SHTN1: variants seen among roughly 807,000 people sequenced by gnomAD.
SHTN1 encodes the protein shootin 1.
Under a neutral mutation model 83.1 loss-of-function variants are expected in SHTN1, and 42 were observed. That is an observed-to-expected ratio of 0.51 (90% CI 0.39 to 0.65). The LOEUF is 0.65. SHTN1 is among the 30% of genes least tolerant of loss of function. SHTN1 has a pLI of 0.00. For missense variants in SHTN1, 622 were observed against 737.8 expected (o/e 0.84, Z 1.82); for synonymous variants, 224 against 247.7 (o/e 0.90, Z 0.90).
At chr10:117,021,198 C>T (rs1480786906) in intron 2 of SHTN1, among the ~76,000 whole-genome samples, 1 of 152,176 alleles carries the variant, frequency 6.6e-6, no homozygotes. Context: ...CATGGTGAAA[C>T]ACCATCTCTA....
At chr10:117,109,582 T>TTTTTTTTTTTTTA (rs1236067569) in intron 1 of SHTN1, among the ~76,000 whole-genome samples, 2 of 136,378 alleles carry the variant, frequency 1.5e-5, no homozygotes, top group East Asian at 2.2e-4. Context: ...TTTTTTTTTT[T>TTTTTTTTTTTTTA]GAGAGGGAGT....
At chr10:117,083,864 C>G in intron 1 of SHTN1, among the ~76,000 whole-genome samples, 1 of 151,804 alleles carries the variant, frequency 6.6e-6, no homozygotes, top group African/African-American at 2.4e-5. Flanking sequence ...GCATTCTTCA[C>G]GTAGTTCTCG....
At chr10:117,089,291 C>T (rs1163622707) in intron 1 of SHTN1, among the ~76,000 whole-genome samples, 1 of 151,964 alleles carries the variant, frequency 6.6e-6, no homozygotes, top group Non-Finnish European at 1.5e-5. Flanking sequence ...TTAAAACAAC[C>T]TTTATGTAAG....
At chr10:117,101,955 A>C (rs1853600127) in intron 1 of SHTN1, among the ~76,000 whole-genome samples, 1 of 151,996 alleles carries the variant, frequency 6.6e-6, no homozygotes, top group African/African-American at 2.4e-5. Context: ...TTTTAAAAAA[A>C]TTATAAATGG....
At chr10:117,001,304 T>C (rs1305406982) in intron 1 of SHTN1, among the ~76,000 whole-genome samples, 1 of 152,100 alleles carries the variant, frequency 6.6e-6, no homozygotes, top group Non-Finnish European at 1.5e-5. Context: ...AATTATACCA[T>C]TCACTAGGAG....
chr10:116,946,694 A>G (rs1000779886), intron 7 of SHTN1, among the ~76,000 whole-genome samples: 1 of 145,874 alleles, frequency 6.9e-6, no homozygotes, highest in African/African-American at 2.5e-5. Context: ...TATATAATAT[A>G]TATATATGTT....
intron 1 of SHTN1, among the ~76,000 whole-genome samples, chr10:117,099,095 G>C (rs1225635209): frequency 6.6e-6 from 1 of 151,522 alleles, no homozygotes; most frequent in East Asian, 1.9e-4. Flanking sequence ...AATAGAGCTG[G>C]AGGCCATTAT....
At chr10:117,006,240 G>T (rs72833420), upstream of SHTN1, among the ~76,000 whole-genome samples, 272 of 147,306 alleles carry the variant, frequency 1.8e-3, 2 homozygotes, top group South Asian at 0.025. Flanking sequence ...GTTTTTTTTT[G>T]TTTTTTTTTT....
At position 116,886,526 on chromosome 10, in the gene SHTN1, C is replaced by T. The variant is rs200994601; in HGVS notation, c.1714G>A (p.Gly572Ser). The T allele has an allele frequency of 1.4e-4, 219 of 1,614,026 alleles. No individual in the cohort carries two copies. Among genetic ancestry groups the T allele is most frequent in the Middle Eastern group, 9.9e-4 (6 of 6,062 alleles). ...SIGCRKKYID[G>S]EKQAEPVVVL... ...ACAACTGGTTCGGCTTGTTTTTCAC[C>T]GTCAATGTATTTTTTCCTGCATCCA... is the stretch of plus-strand genomic sequence containing the variant. Residue 572 changes from glycine to serine, a missense_variant, in exon 17 of 17, where the codon GGT becomes AGT. Physicochemically the swap from Gly to Ser is moderately conservative, Grantham distance 56. This residue lies in a region of SHTN1 where 231 missense variants were observed against 251.6 expected (regional missense o/e 0.92). Transcript: ENST00000355371.
chr10:117,000,882 A>G (rs1905537), intron 1 of SHTN1, among the ~76,000 whole-genome samples: 146,017 of 152,276 alleles, frequency 0.96, 70,308 homozygotes, highest in Non-Finnish European at 1. Context: ...TCACCAGCAG[A>G]GGCAAGGTCT....
chr10:117,086,071 C>A (rs1030871533), intron 1 of SHTN1, among the ~76,000 whole-genome samples: 4 of 152,080 alleles, frequency 2.6e-5, no homozygotes, highest in African/African-American at 9.7e-5. Flanking sequence ...CAGGTGTGTG[C>A]CACCACGCCC....
chr10:116,982,151 C>A lies in SHTN1; in HGVS notation c.59-2843G>T, dbSNP rs538519394. On this transcript the variant is annotated intron_variant, in intron 1 of 16. Transcript: ENST00000355371. ...AAACATCAGATAATGGTTTTGAAGTCTTTTTAAAATACCAGTACTATTCTT... is the reference window on the plus strand; with the variant it reads ...AAACATCAGATAATGGTTTTGAAGTATTTTTAAAATACCAGTACTATTCTT... 2.0e-5 allele frequency among the ~76,000 whole-genome samples: 3 copies of A among 152,256 alleles called. No homozygotes were observed. The South Asian group carries it at 6.2e-4, about 32-fold the overall frequency.
intron 12 of SHTN1, 42 bp downstream of exon 12, chr10:116,921,392 G>C (rs1279720484): frequency 7.0e-7 from 1 of 1,421,196 alleles, no homozygotes; most frequent in Admixed American, 1.8e-5. Context: ...GCCCCAAAAT[G>C]GTACACCATC....
intron 1 of SHTN1, among the ~76,000 whole-genome samples, chr10:117,066,194 T>C (rs1852997857): frequency 1.3e-5 from 2 of 152,224 alleles, no homozygotes; most frequent in African/African-American, 4.8e-5. Context: ...TTGCTTACAT[T>C]TGAAAAATTA....
chr10:117,086,803 A>C (rs2133617040), intron 1 of SHTN1, among the ~76,000 whole-genome samples: 2 of 152,360 alleles, frequency 1.3e-5, no homozygotes, highest in South Asian at 4.1e-4. Flanking sequence ...CGTGGACAGC[A>C]ATGTTCACAG....
At chr10:116,981,781 G>A (rs749965440) in intron 1 of SHTN1, among the ~76,000 whole-genome samples, 6 of 152,132 alleles carry the variant, frequency 3.9e-5, no homozygotes, top group East Asian at 1.9e-4. Flanking sequence ...GATCTCAGCC[G>A]GGTGCGGTGG....
intron 2 of SHTN1, among the ~76,000 whole-genome samples, chr10:117,020,518 A>G (rs920249173): frequency 2.7e-5 from 4 of 150,304 alleles, no homozygotes; most frequent in African/African-American, 9.8e-5. Context: ...AAAAAAACCC[A>G]CACTTATAAA....
chr10:116,937,440 T>C (rs1849216363), intron 9 of SHTN1, among the ~76,000 whole-genome samples: 1 of 152,194 alleles, frequency 6.6e-6, no homozygotes, highest in South Asian at 2.1e-4. Flanking sequence ...TGGCTGGATA[T>C]GAAATTCTAG....
chr10:116,948,892 G>GA (rs777144552), intron 7 of SHTN1, 24 bp downstream of exon 7: 37 of 1,495,320 alleles, frequency 2.5e-5, no homozygotes, highest in Admixed American at 1.2e-4. Flanking sequence ...ACGTATTTGA[G>GA]AAAAAAAGAC....
Sources: gnomAD v4.1 joint callset for allele counts (sites outside exome capture counted in the v4.1 genomes callset) on GRCh38, gnomAD v4.1.1 for gene constraint, gnomAD v4.1.1 regional missense constraint, MANE v1.5 for transcripts, NCBI Gene and HGNC (gene_info 2026-07-23, HGNC 2026-07-21) for gene names.